Variants in SLC9D1 observed in about 807,000 individuals in gnomAD.
SLC9D1 encodes solute carrier family 9 member D1, also known as putative LAG1-interacting protein.
chr13:113,528,309 T>C, the SLC9D1 span: 3 of 152,242 alleles, frequency 2.0e-5, no homozygotes, highest in Admixed American at 1.3e-4. Context: ...GGGGTTCTGC[T>C]TCCTGCCAGG....
chr13:113,549,907 T>TA, the SLC9D1 span: 1 of 508,078 alleles, frequency 2.0e-6, no homozygotes, highest in Non-Finnish European at 3.5e-6. Flanking sequence ...AAAAGGCTTT[T>TA]AAAAATGTAC....
the SLC9D1 span, among the ~76,000 whole-genome samples, chr13:113,532,547 G>A: frequency 6.6e-6 from 1 of 152,146 alleles, no homozygotes; most frequent in Non-Finnish European, 1.5e-5. Context: ...GATGGATCAG[G>A]AGGAGGCCAC....
At chr13:113,550,020 T>C in the SLC9D1 span, 1 of 240,522 alleles carries the variant, frequency 4.2e-6, no homozygotes, top group Non-Finnish European at 8.1e-6. Context: ...CTTTTGATTC[T>C]TAAAGCCTAT....
At chr13:113,532,700 G>C in the SLC9D1 span, among the ~76,000 whole-genome samples, 23 of 152,162 alleles carry the variant, frequency 1.5e-4, no homozygotes, top group Non-Finnish European at 3.2e-4. Context: ...CTCCGTTCCT[G>C]CCAGGGCTGC....
the SLC9D1 span, among the ~76,000 whole-genome samples, chr13:113,507,276 T>C: frequency 6.6e-6 from 1 of 152,168 alleles, no homozygotes; most frequent in African/African-American, 2.4e-5. Context: ...GGACTCGGAT[T>C]GCAGATCTGT....
At chr13:113,546,600 T>G in the SLC9D1 span, among the ~76,000 whole-genome samples, 5 of 152,158 alleles carry the variant, frequency 3.3e-5, no homozygotes, top group East Asian at 9.6e-4. This position sits in a 1 kb window ranked among gnomAD's most constrained non-coding sequence, Gnocchi z 7.1. Flanking sequence ...GCCTGCTCCG[T>G]GCACCTAACC....
At chr13:113,498,705 T>C in the SLC9D1 span, 6 of 516,036 alleles carry the variant, frequency 1.2e-5, no homozygotes, top group Middle Eastern at 9.5e-4. Context: ...TCTTTTATTT[T>C]CCTTTTATAT....
chr13:113,525,051 G>A, the SLC9D1 span, among the ~76,000 whole-genome samples: 28,125 of 151,946 alleles, frequency 0.19, 3,438 homozygotes, highest in African/African-American at 0.35. Flanking sequence ...GGTTGCTCTG[G>A]GTATCACAGT....
chr13:113,520,483 CAAA>C, the SLC9D1 span: 3,133 of 362,410 alleles, frequency 8.6e-3, 1 homozygote, highest in South Asian at 0.014. Flanking sequence ...AACTCCATCT[CAAA>C]AAAAAAAAAA....
chr13:113,531,107 C>G, the SLC9D1 span, among the ~76,000 whole-genome samples: 1 of 152,244 alleles, frequency 6.6e-6, no homozygotes, highest in Non-Finnish European at 1.5e-5. Flanking sequence ...CTGCCACCAT[C>G]AGTGGACCCA....
the SLC9D1 span, among the ~76,000 whole-genome samples, chr13:113,494,639 G>C: frequency 1.3e-5 from 2 of 148,500 alleles, no homozygotes; most frequent in African/African-American, 5.1e-5. Context: ...AAGTTCTAGA[G>C]ATCTAGGTAT....
chr13:113,526,044 T>G, the SLC9D1 span, among the ~76,000 whole-genome samples: 1 of 149,962 alleles, frequency 6.7e-6, no homozygotes, highest in East Asian at 2.0e-4. Context: ...TATGTGCCGG[T>G]TATTCTAGAA....
chr13:113,539,655 G>A, the SLC9D1 span: 24 of 861,300 alleles, frequency 2.8e-5, no homozygotes, highest in African/African-American at 1.0e-4. The surrounding 1 kb of genome is among the most constrained non-coding windows in gnomAD (Gnocchi z 4.8). Flanking sequence ...TGGATTGCTA[G>A]TAGCCAGAAA....
At chr13:113,509,257 C>G in the SLC9D1 span, among the ~76,000 whole-genome samples, 357 of 59,400 alleles carry the variant, frequency 6.0e-3, 2 homozygotes, top group African/African-American at 0.012. Flanking sequence ...CGCTGCCTGT[C>G]TATGTTGGGA....
chr13:113,508,320 G>A, the SLC9D1 span, among the ~76,000 whole-genome samples: 28,191 of 152,212 alleles, frequency 0.19, 3,453 homozygotes, highest in African/African-American at 0.35. Flanking sequence ...TTGAGGGTTA[G>A]GAAGACCCAG....
chr13:113,499,992 T>C, the SLC9D1 span: 3 of 1,558,622 alleles, frequency 1.9e-6, no homozygotes, highest in Non-Finnish European at 8.7e-7. Context: ...GTTCTGAGGG[T>C]GGAGGAAGAA....
chr13:113,506,821 G>A, the SLC9D1 span, among the ~76,000 whole-genome samples: 2 of 152,208 alleles, frequency 1.3e-5, no homozygotes, highest in African/African-American at 2.4e-5. Flanking sequence ...GTTGTATAAC[G>A]TAAGGTGGAG....
chr13:113,520,427 T>G, the SLC9D1 span: 22 of 428,038 alleles, frequency 5.1e-5, no homozygotes, highest in Non-Finnish European at 7.9e-5. Flanking sequence ...GAGGTTGCAG[T>G]GAGCTGAGAT....
At chr13:113,491,392 C>T in the SLC9D1 span, 1 of 150,690 alleles carries the variant, frequency 6.6e-6, no homozygotes, top group African/African-American at 2.5e-5. Context: ...CTTCCCTTCC[C>T]AAGGGTCCCC....
Sources: gnomAD v4.1 joint callset for allele counts (sites outside exome capture counted in the v4.1 genomes callset) on GRCh38, gnomAD v4.1.1 for gene constraint, Gnocchi (gnomAD v3.1) non-coding constraint, MANE v1.5 for transcripts, NCBI Gene and HGNC (gene_info 2026-07-23, HGNC 2026-07-21) for gene names.